MYO1H: variants seen among roughly 807,000 people sequenced by gnomAD.
MYO1H encodes the protein myosin IH.
In MYO1H, 118 loss-of-function variants were observed where a neutral mutation model predicts 149.3. That is an observed-to-expected ratio of 0.79 (90% confidence interval 0.68 to 0.92). The LOEUF (loss-of-function observed/expected upper bound fraction) is 0.92, where lower values mean the gene tolerates loss of function less well. MYO1H is among the 40% of genes least tolerant of loss of function. The pLI is 0.00. For missense variants in MYO1H, 1,212 were observed against 1,280.7 expected (o/e 0.95, Z 0.82); for synonymous variants, 447 against 465.2 (o/e 0.96, Z 0.50).
intron 16 of MYO1H, 86 bp downstream of exon 16, chr12:109,421,113 A>ATT (rs57928470): frequency 6.9e-5 from 52 of 756,240 alleles, no homozygotes; most frequent in South Asian, 1.1e-4. Context: ...CGCCTTCTGG[A>ATT]TTTTTTTTTT....
rs759309359 is a variant in MYO1H, at chr12:109,388,778, C to T, written c.108C>T (p.Asp36=). The change falls in exon 2 of 32, where the codon GAC becomes GAT. Residue 36 remains aspartate, a synonymous_variant. Transcript: ENST00000310903. ...GGGTTCAGGATTTTGTGCTATTGGA[C>T]GCGTACACCAGCGAATCTGCCTTTG... 26 of 1,613,136 alleles carry T rather than the reference C, an allele frequency of 1.6e-5. No homozygotes were observed. The East Asian group carries it at 3.6e-4, about 22-fold the overall frequency.
intron 5 of MYO1H, among the ~76,000 whole-genome samples, chr12:109,400,294 T>TGA: frequency 6.6e-6 from 1 of 152,342 alleles, no homozygotes; most frequent in South Asian, 2.1e-4. Context: ...GTGGGGTTCT[T>TGA]ACCAGCAAAG....
intron 23 of MYO1H, among the ~76,000 whole-genome samples, chr12:109,438,986 C>T (rs920760561): frequency 1.3e-5 from 2 of 152,188 alleles, no homozygotes; most frequent in South Asian, 2.1e-4. Flanking sequence ...CTAGCCCATT[C>T]CAGTTTACTG....
At chr12:109,359,995 G>A (rs1044993039) in intron 1 of MYO1H, among the ~76,000 whole-genome samples, 3 of 152,162 alleles carry the variant, frequency 2.0e-5, no homozygotes, top group Admixed American at 6.5e-5. Flanking sequence ...CTGTTCCGGC[G>A]GCCGGACGGT....
chr12:109,401,068 C>T, intron 5 of MYO1H, 25 bp from the exon 6 acceptor site: 1 of 1,605,770 alleles, frequency 6.2e-7, no homozygotes, highest in Non-Finnish European at 8.5e-7. Context: ...GTTGTCACTG[C>T]TGCAATTTTT....
chr12:109,354,698 G>T (rs1868547991), intron 1 of MYO1H, among the ~76,000 whole-genome samples: 1 of 151,858 alleles, frequency 6.6e-6, no homozygotes, highest in Non-Finnish European at 1.5e-5. Context: ...AAGTGCCCAA[G>T]ATGTCTGCCC....
At chr12:109,370,070 T>A (rs7313205) in intron 1 of MYO1H, among the ~76,000 whole-genome samples, 3,761 of 152,218 alleles carry the variant, frequency 0.025, 145 homozygotes, top group African/African-American at 0.082. Context: ...GTGATTCAAT[T>A]ACCTCCCACC....
chr12:109,352,559 T>G (rs1868485516), intron 1 of MYO1H, among the ~76,000 whole-genome samples: 1 of 152,232 alleles, frequency 6.6e-6, no homozygotes, highest in Non-Finnish European at 1.5e-5. Context: ...AGACATCTCT[T>G]GAGCCTTTTA....
chr12:109,411,807 C>A (rs1277460439), intron 13 of MYO1H, 87 bp from the exon 14 acceptor site: 4 of 940,388 alleles, frequency 4.3e-6, no homozygotes, highest in Non-Finnish European at 6.5e-6. Context: ...TAGTCCAGTA[C>A]TTTCTGTTCC....
At chr12:109,371,764 A>G (rs1336357677) in intron 1 of MYO1H, among the ~76,000 whole-genome samples, 1 of 152,202 alleles carries the variant, frequency 6.6e-6, no homozygotes, top group African/African-American at 2.4e-5. Context: ...AGATTCTATA[A>G]TATATACACC....
chr12:109,436,339 C>T (rs1465061873), intron 21 of MYO1H, 149 bp from the exon 22 acceptor site: 2 of 602,444 alleles, frequency 3.3e-6, no homozygotes, highest in Non-Finnish European at 6.1e-6. Context: ...GCTCTCAGGT[C>T]TGCAGTGCTG....
the MYO1H span, among the ~76,000 whole-genome samples, chr12:109,332,367 T>A: frequency 6.6e-6 from 1 of 152,166 alleles, no homozygotes; most frequent in African/African-American, 2.4e-5. Context: ...TTTTGTTTCA[T>A]CCCGGGCTTG....
the MYO1H span, among the ~76,000 whole-genome samples, chr12:109,327,192 G>A: frequency 7.0e-6 from 1 of 142,710 alleles, no homozygotes; most frequent in Non-Finnish European, 1.5e-5. Flanking sequence ...GAGTACAGTG[G>A]CTCAATCTCA....
chr12:109,396,065 T>C (rs1465012535), intron 3 of MYO1H, among the ~76,000 whole-genome samples: 2 of 152,046 alleles, frequency 1.3e-5, no homozygotes, highest in East Asian at 1.9e-4. Context: ...ATTACAAGCA[T>C]GCACCACCAT....
the MYO1H span, among the ~76,000 whole-genome samples, chr12:109,317,218 G>A: frequency 2.0e-5 from 3 of 152,162 alleles, no homozygotes; most frequent in Non-Finnish European, 4.4e-5. Context: ...GAATGAAAAT[G>A]GCACACTTAT....
chr12:109,447,531 T>A (rs749008647), exon 32 of MYO1H: 2 of 403,624 alleles, frequency 5.0e-6, no homozygotes, highest in Non-Finnish European at 9.2e-6. Context: ...TGAGACATGA[T>A]GAAATACTGT....
the MYO1H span, among the ~76,000 whole-genome samples, chr12:109,338,130 G>A: frequency 0.069 from 10,422 of 152,060 alleles, 404 homozygotes; most frequent in Middle Eastern, 0.11. Flanking sequence ...GTGTGGTGGC[G>A]CCATTATGGC....
At chr12:109,389,862 T>C (rs1204212519) in intron 2 of MYO1H, among the ~76,000 whole-genome samples, 3 of 152,220 alleles carry the variant, frequency 2.0e-5, no homozygotes, top group Non-Finnish European at 4.4e-5. Context: ...TTAATCTATA[T>C]GTTGAAACCA....
chr12:109,313,862 GAA>G, the MYO1H span, among the ~76,000 whole-genome samples: 1 of 151,882 alleles, frequency 6.6e-6, no homozygotes, highest in Admixed American at 6.6e-5. Context: ...ATTCCTTTAT[GAA>G]AAGTGTTTTC....
Sources: allele counts gnomAD v4.1 joint callset (sites outside exome capture counted in the v4.1 genomes callset), GRCh38; gene constraint gnomAD v4.1.1; transcripts MANE v1.5; gene names NCBI Gene and HGNC (gene_info 2026-07-23, HGNC 2026-07-21).